CCNY: variants seen among roughly 807,000 people sequenced by gnomAD.
CCNY encodes cyclin Y, also known as cyclin-Y.
Under a neutral mutation model 42.8 loss-of-function variants are expected in CCNY, and 19 were observed. That is an observed-to-expected ratio of 0.44 (90% CI 0.31 to 0.65). CCNY has a LOEUF of 0.65. CCNY is among the 30% of genes least tolerant of loss of function. The pLI, the probability that CCNY is intolerant of heterozygous loss-of-function variation, is 0.07. For synonymous variants in CCNY, 165 were observed against 162.7 expected, an observed-to-expected ratio of 1.01 and a Z score of -0.11; for missense variants, 370 against 437.3, an observed-to-expected ratio of 0.85 and a Z score of 1.37.
chr10:35,398,609 A>G (rs1164319487), intron 1 of CCNY, among the ~76,000 whole-genome samples: 1 of 151,814 alleles, frequency 6.6e-6, no homozygotes, highest in Non-Finnish European at 1.5e-5. Context: ...TCGAGATGTC[A>G]TTGTGTAATT....
intron 1 of CCNY, among the ~76,000 whole-genome samples, chr10:35,475,231 A>G (rs1839480677): frequency 6.6e-6 from 1 of 152,196 alleles, no homozygotes. Context: ...ATTATCCAGG[A>G]GAATTTCCCC....
At chr10:35,492,386 T>C (rs974615803) in intron 2 of CCNY, among the ~76,000 whole-genome samples, 3 of 152,222 alleles carry the variant, frequency 2.0e-5, no homozygotes, top group African/African-American at 2.4e-5. Flanking sequence ...TTGATTGTGA[T>C]AGACACCTTT....
At chr10:35,539,621 T>C (rs1840957572) in intron 7 of CCNY, among the ~76,000 whole-genome samples, 2 of 152,088 alleles carry the variant, frequency 1.3e-5, no homozygotes, top group South Asian at 4.2e-4. Context: ...ACCCCATCTC[T>C]ACTAAAAACA....
chr10:35,518,926 T>A (rs1237794730), intron 4 of CCNY, among the ~76,000 whole-genome samples: 1 of 142,736 alleles, frequency 7.0e-6, no homozygotes, highest in Admixed American at 6.9e-5. Flanking sequence ...TTAACAGATC[T>A]TGATTGAATC....
At chr10:35,310,946 G>T (rs1018010492) in intron 3 of CCNY, among the ~76,000 whole-genome samples, 26 of 152,034 alleles carry the variant, frequency 1.7e-4, no homozygotes, top group African/African-American at 6.3e-4. Context: ...TTCAAGACCA[G>T]CCTGGGCAAC....
intron 1 of CCNY, among the ~76,000 whole-genome samples, chr10:35,389,212 T>C (rs113218456): frequency 6.6e-6 from 1 of 152,124 alleles, no homozygotes; most frequent in African/African-American, 2.4e-5. Context: ...GTTGTCTGTT[T>C]ATATATATTT....
intron 1 of CCNY, among the ~76,000 whole-genome samples, chr10:35,434,588 A>C (rs1292255136): frequency 2.6e-5 from 4 of 152,238 alleles, no homozygotes; most frequent in African/African-American, 9.6e-5. Flanking sequence ...TTTTGCCCTT[A>C]AGTGATCCTT....
intron 7 of CCNY, among the ~76,000 whole-genome samples, chr10:35,548,788 C>T (rs906159384): frequency 7.3e-5 from 11 of 151,410 alleles, no homozygotes; most frequent in African/African-American, 2.7e-4. Flanking sequence ...GTAACTGTTA[C>T]CGAAAAAATC....
intron 1 of CCNY, among the ~76,000 whole-genome samples, chr10:35,406,777 A>AG (rs1837784160): frequency 6.6e-6 from 1 of 151,948 alleles, no homozygotes; most frequent in African/African-American, 2.4e-5. Flanking sequence ...GGCCGGGCAG[A>AG]GGGGCTCCTC....
chr10:35,252,483 G>A (rs965510485), intron 3 of CCNY, among the ~76,000 whole-genome samples: 16 of 149,138 alleles, frequency 1.1e-4, no homozygotes, highest in Admixed American at 2.7e-4. Context: ...GGAGAATGGC[G>A]TGAACCTGGG....
chr10:35,269,567 A>T (rs1167925571), intron 3 of CCNY, among the ~76,000 whole-genome samples: 1 of 149,982 alleles, frequency 6.7e-6, no homozygotes. Context: ...AACCTCCCAA[A>T]GTGCTAGGAT....
chr10:35,300,163 G>A (rs1017806679), intron 3 of CCNY, among the ~76,000 whole-genome samples: 3 of 152,202 alleles, frequency 2.0e-5, no homozygotes, highest in Admixed American at 2.0e-4. Context: ...AGCCAAAGAT[G>A]TAAGAGGGCT....
chr10:35,250,708 G>A (rs2095711426), intron 3 of CCNY: 1 of 152,368 alleles, frequency 6.6e-6, no homozygotes, highest in Admixed American at 6.6e-5. Context: ...ACCATTTGGT[G>A]AGAAGTACTG....
chr10:35,355,458 A>T (rs989264573), intron 1 of CCNY, among the ~76,000 whole-genome samples: 1 of 151,882 alleles, frequency 6.6e-6, no homozygotes, highest in African/African-American at 2.4e-5. Flanking sequence ...CGGGTGGATC[A>T]CCTGAGATCA....
At chr10:35,474,193 C>T (rs1839453541) in intron 1 of CCNY, among the ~76,000 whole-genome samples, 1 of 152,192 alleles carries the variant, frequency 6.6e-6, no homozygotes, top group African/African-American at 2.4e-5. Flanking sequence ...TGAGATCAAA[C>T]TGCAAGGCGG....
chr10:35,483,541 T>G, intron 2 of CCNY, 63 bp downstream of exon 2: 1 of 1,014,622 alleles, frequency 9.9e-7, no homozygotes, highest in Non-Finnish European at 1.5e-6. Context: ...CGCCTAGTGT[T>G]GATTTCCCAC....
chr10:35,436,306 A>G (rs1290671213), intron 1 of CCNY, among the ~76,000 whole-genome samples: 1 of 152,072 alleles, frequency 6.6e-6, no homozygotes, highest in Non-Finnish European at 1.5e-5. Flanking sequence ...TGGGTCCCCC[A>G]CCCCTCAGCA....
At chr10:35,343,513 C>G (rs1166019144) in intron 1 of CCNY, among the ~76,000 whole-genome samples, 3 of 151,400 alleles carry the variant, frequency 2.0e-5, no homozygotes, top group African/African-American at 4.9e-5. Flanking sequence ...CCTCAGCCTC[C>G]TAAGTAACTG....
At chr10:35,260,287 T>A (rs955627590) in intron 3 of CCNY, among the ~76,000 whole-genome samples, 4 of 152,166 alleles carry the variant, frequency 2.6e-5, no homozygotes, top group South Asian at 2.1e-4. Context: ...ATCATGGGAC[T>A]TACATTTGGG....
Sources: gnomAD v4.1 joint callset for allele counts (sites outside exome capture counted in the v4.1 genomes callset) on GRCh38, gnomAD v4.1.1 for gene constraint, MANE v1.5 for transcripts, NCBI Gene and HGNC (gene_info 2026-07-23, HGNC 2026-07-21) for gene names.